Variants in TSPAN9 observed in about 807,000 individuals in gnomAD.
TSPAN9 encodes tetraspanin-9.
In TSPAN9, 16 loss-of-function variants were observed where a neutral mutation model predicts 31.0. The ratio of observed to expected loss-of-function variants is 0.52; its 90% CI spans 0.35 to 0.78. The LOEUF (loss-of-function observed/expected upper bound fraction) is 0.78. Ranked by LOEUF, TSPAN9 falls within the 30% of genes least tolerant of loss-of-function variation. The pLI is 0.01. For missense variants in TSPAN9, 272 were observed against 312.5 expected (o/e 0.87, Z 0.98); for synonymous variants, 145 against 121.6 (o/e 1.19, Z -1.27).
At chr12:3,149,022 G>A (rs1307380558) in intron 2 of TSPAN9, among the ~76,000 whole-genome samples, 2 of 152,232 alleles carry the variant, frequency 1.3e-5, no homozygotes, top group African/African-American at 2.4e-5. Flanking sequence ...ATTGTGGGGT[G>A]TGGGTAGCTC....
chr12:3,115,560 G>A (rs1433813655), intron 2 of TSPAN9, among the ~76,000 whole-genome samples: 2 of 152,346 alleles, frequency 1.3e-5, no homozygotes, highest in East Asian at 3.9e-4. Flanking sequence ...GGAGGCTGGG[G>A]GTCCCAGATC....
chr12:3,121,533 C>CTTTTTTTTT (rs59376087), intron 2 of TSPAN9, among the ~76,000 whole-genome samples: 1 of 92,926 alleles, frequency 1.1e-5, no homozygotes, highest in Non-Finnish European at 2.0e-5. Flanking sequence ...CTAATTAAAA[C>CTTTTTTTTT]TTTTTTTTTT....
intron 3 of TSPAN9, among the ~76,000 whole-genome samples, chr12:3,276,046 G>A (rs982075651): frequency 6.6e-6 from 1 of 152,160 alleles, no homozygotes; most frequent in African/African-American, 2.4e-5. Flanking sequence ...GTCGTCCCCA[G>A]CTCTCAAGCT....
chr12:3,220,145 CAAAA>C (rs55735802), intron 3 of TSPAN9, among the ~76,000 whole-genome samples: 1 of 137,340 alleles, frequency 7.3e-6, no homozygotes, highest in Non-Finnish European at 1.6e-5. Flanking sequence ...AACTCTGTCT[CAAAA>C]AAAAAAAAAA....
At chr12:3,139,211 C>G (rs2098333574) in intron 2 of TSPAN9, among the ~76,000 whole-genome samples, 1 of 152,220 alleles carries the variant, frequency 6.6e-6, no homozygotes. Context: ...CTTGTTTCCT[C>G]TCTTCCTCTG....
chr12:3,276,099 G>A (rs956487659), intron 3 of TSPAN9, among the ~76,000 whole-genome samples: 14 of 152,172 alleles, frequency 9.2e-5, no homozygotes, highest in African/African-American at 3.1e-4. Context: ...AATTAGGCAG[G>A]GTAGGGATGC....
At chr12:3,219,195 G>C (rs554821199) in intron 3 of TSPAN9, among the ~76,000 whole-genome samples, 1 of 152,346 alleles carries the variant, frequency 6.6e-6, no homozygotes, top group South Asian at 2.1e-4. Flanking sequence ...AGTCACTGTT[G>C]CCTGTGTGAT....
At chr12:3,121,587 A>G (rs894007451) in intron 2 of TSPAN9, among the ~76,000 whole-genome samples, 1 of 119,438 alleles carries the variant, frequency 8.4e-6, no homozygotes, top group Non-Finnish European at 1.6e-5. Flanking sequence ...TATGTTTTCC[A>G]GGCTGGTCTC....
chr12:3,253,834 G>A (rs895008729), intron 3 of TSPAN9, among the ~76,000 whole-genome samples: 1 of 152,212 alleles, frequency 6.6e-6, no homozygotes, highest in Non-Finnish European at 1.5e-5. Flanking sequence ...GCCTGGTGGT[G>A]TGCCCTCCTG....
rs1334045641 is a variant in TSPAN9, at chr12:3,285,830, C to G, written c.*2714C>G. On this transcript the variant is annotated 3_prime_UTR_variant, in exon 9 of 9. Coordinates refer to ENST00000011898, the MANE Select transcript of TSPAN9 (RefSeq NM_006675.5). ...GGGGGGCATCCGCTGCAGACTCAGC[C>G]TTTCTCTGCAGCCATCCTGCAGTGG... 1 of 152,326 alleles carries G rather than the reference C, an allele frequency of 6.6e-6. No homozygotes were observed. The highest frequency in any genetic ancestry group is 2.4e-5 in the African/African-American group (1 of 41,468). The allele number at this position is 152,326 out of a possible 1,614,324, so 9.4% of individuals were successfully genotyped here. A position where few individuals can be genotyped will look rare whatever the true frequency, so the allele number is the denominator to read the frequency against.
At chr12:3,189,592 A>G (rs1419494260) in intron 2 of TSPAN9, among the ~76,000 whole-genome samples, 1 of 152,170 alleles carries the variant, frequency 6.6e-6, no homozygotes, top group East Asian at 1.9e-4. Flanking sequence ...AGCCTTTGAA[A>G]GCACCTTTTG....
intron 2 of TSPAN9, among the ~76,000 whole-genome samples, chr12:3,121,533 CTTT>C (rs59376087): frequency 0.47 from 43,396 of 92,276 alleles, 8,892 homozygotes; most frequent in Admixed American, 0.59. Flanking sequence ...CTAATTAAAA[CTTT>C]TTTTTTTTTT....
chr12:3,078,073 A>G (rs533214241), intron 1 of TSPAN9, among the ~76,000 whole-genome samples: 1 of 152,338 alleles, frequency 6.6e-6, no homozygotes, highest in East Asian at 1.9e-4. Context: ...CAATATTTGT[A>G]CTTGTACATC....
In TSPAN9 at chr12:3,280,283, C is replaced by T. The variant is rs1862868979; in HGVS notation, c.331-99C>T. The T allele has an allele frequency of 1.5e-5, 16 of 1,091,648 alleles. No homozygotes were observed. Among genetic ancestry groups the T allele is most frequent in the Non-Finnish European group, 2.2e-5 (16 of 732,766 alleles). The allele number at this position is 1,091,648 out of a possible 1,614,324, so 67.6% of individuals were successfully genotyped here. The stretch of plus-strand genomic sequence containing the variant: ...AGCTGCCTTCCCTGCCTTCCTCACT[C>T]CTCATCTGTCACCCACCATCCTGGG... On this transcript the variant is annotated intron_variant, in intron 5 of 8. Transcript: ENST00000011898. The surrounding 1 kb of genome is among the most constrained non-coding windows in gnomAD (Gnocchi z 4.5).
At chr12:3,277,760 C>T (rs1156313707) in intron 3 of TSPAN9, among the ~76,000 whole-genome samples, 2 of 152,200 alleles carry the variant, frequency 1.3e-5, no homozygotes, top group East Asian at 3.9e-4. Flanking sequence ...CCGATCATGC[C>T]AGAGGCCAGC....
intron 3 of TSPAN9, among the ~76,000 whole-genome samples, chr12:3,210,179 C>T (rs1397442811): frequency 6.6e-6 from 1 of 151,868 alleles, no homozygotes; most frequent in Non-Finnish European, 1.5e-5. Context: ...GAAGCAGTTC[C>T]ATGGACCACA....
intron 3 of TSPAN9, among the ~76,000 whole-genome samples, chr12:3,204,225 C>T (rs1429121495): frequency 6.6e-6 from 1 of 152,204 alleles, no homozygotes; most frequent in African/African-American, 2.4e-5. Flanking sequence ...ATCCCGGAGC[C>T]TACCAGGTAT....
chr12:3,249,610 G>C (rs1203244177), intron 3 of TSPAN9, among the ~76,000 whole-genome samples: 1 of 152,210 alleles, frequency 6.6e-6, no homozygotes, highest in African/African-American at 2.4e-5. Flanking sequence ...TGTCCACAAG[G>C]TCGGAATGGA....
chr12:3,181,140 C>T (rs1402157609), intron 2 of TSPAN9, among the ~76,000 whole-genome samples: 3 of 152,078 alleles, frequency 2.0e-5, no homozygotes, highest in Non-Finnish European at 4.4e-5. Context: ...GCGGCTGGCG[C>T]CCGGGAGAGG....
Sources: gnomAD v4.1 joint callset for allele counts (sites outside exome capture counted in the v4.1 genomes callset) on GRCh38, gnomAD v4.1.1 for gene constraint, Gnocchi (gnomAD v3.1) non-coding constraint, MANE v1.5 for transcripts, NCBI Gene and HGNC (gene_info 2026-07-23, HGNC 2026-07-21) for gene names.